The following PPP2R5E variants were observed in gnomAD, a reference collection of about 807,000 sequenced individuals.
PPP2R5E encodes the protein protein phosphatase 2 regulatory subunit B'epsilon, also known as serine/threonine-protein phosphatase 2A 56 kDa regulatory subunit epsilon isoform.
In PPP2R5E, 4 loss-of-function variants were observed where a neutral mutation model predicts 65.3. The ratio of observed to expected loss-of-function variants is 0.06; its 90% CI spans 0.03 to 0.14. The LOEUF is 0.14. Ranked by LOEUF, PPP2R5E falls within the 10% of genes least tolerant of loss-of-function variation. The pLI, the probability that PPP2R5E is intolerant of heterozygous loss-of-function variation, is 1.00. For missense variants in PPP2R5E, 274 were observed against 556.1 expected (o/e 0.49, Z 5.10); for synonymous variants, 183 against 187.4 (o/e 0.98, Z 0.19).
chr14:63,456,137 T>C (rs1241963919), intron 2 of PPP2R5E, among the ~76,000 whole-genome samples: 1 of 152,214 alleles, frequency 6.6e-6, no homozygotes, highest in Non-Finnish European at 1.5e-5. Context: ...AATTCAATAT[T>C]TGATATAGTG....
At position 63,382,830 on chromosome 14, in the gene PPP2R5E, T is replaced by TA. The variant is rs376554441; in HGVS notation, c.1203-674dup. 2.0e-4 allele frequency among the ~76,000 whole-genome samples: 31 copies of TA among 152,326 alleles called. No individual in the cohort carries two copies. In the East Asian group the frequency reaches 6.0e-3, roughly 29 times the overall value. On this transcript the variant is annotated intron_variant, in intron 12 of 13. Transcript: ENST00000337537. ...TAAGGATCTGTGATAGCACTAACCT[T>TA]AGACATCTGAATTTGCATAGAATTC...
intron 2 of PPP2R5E, among the ~76,000 whole-genome samples, chr14:63,458,348 G>A (rs927655530): frequency 4.6e-5 from 7 of 152,094 alleles, no homozygotes. Flanking sequence ...AATGTTTGGG[G>A]CACATAATCA....
chr14:63,392,123 C>A, intron 8 of PPP2R5E, 98 bp from the exon 9 acceptor site: 1 of 753,288 alleles, frequency 1.3e-6, no homozygotes, highest in Non-Finnish European at 2.1e-6. Context: ...TTCCAGACTG[C>A]TTTTAATAAC....
At chr14:63,445,489 G>A (rs1888429698) in intron 3 of PPP2R5E, among the ~76,000 whole-genome samples, 2 of 152,170 alleles carry the variant, frequency 1.3e-5, no homozygotes, top group Admixed American at 6.5e-5. Flanking sequence ...GTTGATGGCT[G>A]CTAACTCATC....
intron 5 of PPP2R5E, among the ~76,000 whole-genome samples, chr14:63,405,767 C>A (rs571665420): frequency 8.5e-5 from 13 of 152,304 alleles, no homozygotes; most frequent in African/African-American, 3.1e-4. Flanking sequence ...TCCCAACCAT[C>A]CCAATACAGA....
At position 63,512,080 on chromosome 14, in the gene PPP2R5E, A is replaced by T. The variant is rs1278924159; in HGVS notation, c.157+27449T>A. On this transcript the variant is annotated intron_variant, in intron 2 of 13. Coordinates refer to ENST00000337537, the MANE Select transcript of PPP2R5E (RefSeq NM_006246.5). ...GACGACAGAGCGAGACTCTGCGGTAAAAAAAAAAAAAAAAAAAAAAAAAAG... is the reference window on the plus strand; with the variant it reads ...GACGACAGAGCGAGACTCTGCGGTATAAAAAAAAAAAAAAAAAAAAAAAAG... 4.8e-4 allele frequency among the ~76,000 whole-genome samples: 28 copies of T among 58,878 alleles called. 2 individuals carry two copies. The African/African-American group carries it at 6.7e-3, about 14-fold the overall frequency. 38.6% of individuals were successfully genotyped at this position (58,878 alleles called of 152,430 possible).
At chr14:63,498,682 A>G (rs967807652) in intron 2 of PPP2R5E, among the ~76,000 whole-genome samples, 3 of 152,076 alleles carry the variant, frequency 2.0e-5, no homozygotes, top group Admixed American at 6.6e-5. Flanking sequence ...CCTTGGCTTA[A>G]CAAAGTGCTA....
At chr14:63,448,735 A>G (rs1308431214) in intron 3 of PPP2R5E, among the ~76,000 whole-genome samples, 2 of 148,540 alleles carry the variant, frequency 1.3e-5, no homozygotes, top group Non-Finnish European at 3.0e-5. Context: ...GGTTGCAGTG[A>G]GCCAAGATCG....
intron 2 of PPP2R5E, among the ~76,000 whole-genome samples, chr14:63,533,145 G>C (rs1893504852): frequency 6.6e-6 from 1 of 152,162 alleles, no homozygotes; most frequent in South Asian, 2.1e-4. Context: ...GGCCTCTTAA[G>C]AGACTATTCT....
chr14:63,492,287 AT>A, intron 2 of PPP2R5E, among the ~76,000 whole-genome samples: 1 of 152,252 alleles, frequency 6.6e-6, no homozygotes, highest in Middle Eastern at 3.4e-3. Flanking sequence ...CTTCCTTTTT[AT>A]TCAAAAGGAG....
At chr14:63,521,657 A>G (rs1892911362) in intron 2 of PPP2R5E, among the ~76,000 whole-genome samples, 3 of 152,160 alleles carry the variant, frequency 2.0e-5, no homozygotes, top group South Asian at 4.1e-4. Flanking sequence ...AGCAAGACTC[A>G]GTCTCAAAAA....
intron 3 of PPP2R5E, among the ~76,000 whole-genome samples, chr14:63,444,975 T>TTCCC (rs1421568114): frequency 6.6e-6 from 1 of 152,208 alleles, no homozygotes; most frequent in Non-Finnish European, 1.5e-5. Context: ...AAAGGCATAA[T>TTCCC]CCATTCAAAA....
chr14:63,493,730 C>A (rs1468878905), intron 2 of PPP2R5E, among the ~76,000 whole-genome samples: 2 of 152,000 alleles, frequency 1.3e-5, no homozygotes, highest in Admixed American at 6.6e-5. Flanking sequence ...ATGAAGTACT[C>A]TAGGAATATT....
At position 63,523,969 on chromosome 14, in the gene PPP2R5E, A is replaced by G. The variant is rs1369616605; in HGVS notation, c.157+15560T>C. Among the ~76,000 whole-genome samples the G allele has an allele frequency of 3.3e-5, 5 of 152,170 alleles. No homozygotes were observed. The East Asian group carries it at 7.7e-4, about 23-fold the overall frequency. On this transcript the variant is annotated intron_variant, in intron 2 of 13. Coordinates refer to ENST00000337537, the MANE Select transcript of PPP2R5E (RefSeq NM_006246.5). ...CCTGAACCTACTCTGAATTCTCACT[A>G]TATTTCCTCATAAGATATGGTGGAG...
At chr14:63,517,983 G>T (rs1242808421) in intron 2 of PPP2R5E, among the ~76,000 whole-genome samples, 1 of 152,146 alleles carries the variant, frequency 6.6e-6, no homozygotes, top group Non-Finnish European at 1.5e-5. Context: ...ATAAAATAGG[G>T]AATTAAAACA....
chr14:63,463,130 T>TTTTTTG (rs148481326), intron 2 of PPP2R5E, among the ~76,000 whole-genome samples: 6 of 144,070 alleles, frequency 4.2e-5, no homozygotes, highest in East Asian at 2.1e-4. Context: ...CTAAGATGGT[T>TTTTTTG]TTTTTGTTTT....
intron 3 of PPP2R5E, among the ~76,000 whole-genome samples, chr14:63,430,346 T>TATACATACATACATACATACATGC (rs1887570446): frequency 7.4e-5 from 10 of 135,238 alleles, no homozygotes; most frequent in African/African-American, 2.6e-4. Context: ...AAAACCCATG[T>TATACATACATACATACATACATGC]ATACATACAT....
chr14:63,514,833 A>T (rs183240712), intron 2 of PPP2R5E, among the ~76,000 whole-genome samples: 1 of 152,304 alleles, frequency 6.6e-6, no homozygotes, highest in African/African-American at 2.4e-5. Flanking sequence ...CATTTCACAT[A>T]TATCACCTCT....
chr14:63,519,465 C>CG (rs1234982563), intron 2 of PPP2R5E, among the ~76,000 whole-genome samples: 2 of 150,960 alleles, frequency 1.3e-5, no homozygotes, highest in Admixed American at 1.3e-4. Context: ...ATTCTCCCCC[C>CG]GAGTAGCTGC....
Sources: gnomAD v4.1 joint callset for allele counts (sites outside exome capture counted in the v4.1 genomes callset) on GRCh38, gnomAD v4.1.1 for gene constraint, MANE v1.5 for transcripts, NCBI Gene and HGNC (gene_info 2026-07-23, HGNC 2026-07-21) for gene names.